The following ERCC3 variants were observed in gnomAD, a reference collection of about 807,000 sequenced individuals.
ERCC3 encodes ERCC excision repair 3, TFIIH core complex helicase subunit.
Under a neutral mutation model 94.2 loss-of-function variants are expected in ERCC3, and 66 were observed. The observed-to-expected ratio is 0.70, with a 90% CI of 0.57 to 0.86. The LOEUF is 0.86. Ranked by LOEUF, ERCC3 falls within the 40% of genes least tolerant of loss-of-function variation. The pLI, the probability that ERCC3 is intolerant of heterozygous loss-of-function variation, is 0.00. For synonymous variants in ERCC3, 349 were observed against 369.1 expected, an observed-to-expected ratio of 0.95 and a Z score of 0.63; for missense variants, 829 against 987.1, an observed-to-expected ratio of 0.84 and a Z score of 2.15.
In ERCC3 at chr2:127,271,513, A is replaced by G; in HGVS notation, c.1828-60T>C. 1 of 1,109,362 alleles carries G rather than the reference A, an allele frequency of 9.0e-7. No individual in the cohort carries two copies. Among genetic ancestry groups the G allele is most frequent in the Non-Finnish European group, 1.4e-6 (1 of 721,384 alleles). 68.7% of individuals were successfully genotyped at this position (1,109,362 alleles called of 1,614,324 possible). On this transcript the variant is annotated intron_variant, in intron 11 of 14. Coordinates refer to ENST00000285398, the MANE Select transcript of ERCC3 (RefSeq NM_000122.2). The surrounding 1 kb of genome is among the most constrained non-coding windows in gnomAD (Gnocchi z 5.0). ...GGAAAAAAAAAAAGTCAACTGATCC[A>G]GAATTTAAATAAGTTCTGTAGATAA...
chr2:127,293,537 G>A lies in ERCC3; in HGVS notation c.210C>T (p.Asp70=). The A allele has an allele frequency of 6.2e-7, 1 of 1,614,170 alleles. No homozygotes were observed. The highest frequency in any genetic ancestry group is 8.5e-7 in the Non-Finnish European group (1 of 1,180,032). Residue 70 remains aspartate, a synonymous_variant, in exon 2 of 15, where the codon GAC becomes GAT. Transcript: ENST00000285398. ...CCACCCAGAGGGGCCTGGAGGTGTG[G>A]TCGTCCTTCAGCGGCATTTGCAGCC... is the stretch of plus-strand genomic sequence containing the variant. ...DYRLQMPLKD[D]HTSRPLWVAP...
rs778270293 is a variant in ERCC3 at position 127,259,428 on chromosome 2, G to A, written c.2085C>T (p.Gly695=). ...AAAACGCCAAGTCTTCCTCCTCCATGCCAGCGAGTTTCGTGATCACCTGCA... is the reference window on the plus strand; with the variant it reads ...AAAACGCCAAGTCTTCCTCCTCCATACCAGCGAGTTTCGTGATCACCTGCA... ...YSFKVITKLA[G]MEEEDLAFST... Residue 695 remains glycine (G), a synonymous_variant, in exon 14 of 15, where the codon GGC becomes GGT. Coordinates refer to ENST00000285398, the MANE Select transcript of ERCC3 (RefSeq NM_000122.2). This position sits in a 1 kb window ranked among gnomAD's most constrained non-coding sequence, Gnocchi z 4.9. The A allele has an allele frequency of 6.2e-7, 1 of 1,614,160 alleles. No homozygotes were observed. The highest frequency in any genetic ancestry group is 1.7e-5 in the Admixed American group (1 of 60,014).
At chr2:127,293,113 C>T (rs1046671910) in intron 2 of ERCC3, among the ~76,000 whole-genome samples, 7 of 152,210 alleles carry the variant, frequency 4.6e-5, no homozygotes, top group Admixed American at 4.6e-4. Flanking sequence ...CCTCAAGTTA[C>T]CTTTTGGCTA....
In ERCC3 at chr2:127,282,535, C is replaced by CA. The variant is rs1684948160; in HGVS notation, c.1343-1905_1343-1904insT. Among the ~76,000 whole-genome samples the CA allele has an allele frequency of 3.3e-5, 5 of 152,352 alleles. No homozygotes were observed. In the South Asian group the frequency reaches 1.0e-3, roughly 32 times the overall value. ...CATAACAGAGCTCCTTTTGAAAAAT[C>CA]TGTAAAACAGCACAGCAATCTTTAT... On this transcript the variant is annotated intron_variant, in intron 8 of 14. Coordinates refer to ENST00000285398, the MANE Select transcript of ERCC3 (RefSeq NM_000122.2).
chr2:127,280,673 CT>C lies in ERCC3; in HGVS notation c.1343-43del, dbSNP rs1684880390. On this transcript the variant is annotated intron_variant, in intron 8 of 14. Transcript: ENST00000285398. This position sits in a 1 kb window ranked among gnomAD's most constrained non-coding sequence, Gnocchi z 6.3. Reference sequence around the variant, plus strand: ...AGCATTCACACTGTCACTTTTCTTTCTTATTTTTTATTTATTTATTTTAAAA... The same window carrying C: ...AGCATTCACACTGTCACTTTTCTTTCTATTTTTTATTTATTTATTTTAAAA... The C allele has an allele frequency of 6.5e-7, 1 of 1,527,384 alleles. No homozygotes were observed. The highest frequency in any genetic ancestry group is 1.4e-5 in the African/African-American group (1 of 72,576). The allele number at this position is 1,527,384 out of a possible 1,614,324, so 94.6% of individuals were successfully genotyped here.
chr2:127,271,830 C>G lies in ERCC3; in HGVS notation c.1828-377G>C, dbSNP rs1684561053. On this transcript the variant is annotated intron_variant, in intron 11 of 14. Coordinates refer to ENST00000285398, the MANE Select transcript of ERCC3 (RefSeq NM_000122.2). The surrounding 1 kb of genome is among the most constrained non-coding windows in gnomAD (Gnocchi z 5.0). ...AACCATCCATACTCTTACCTGTTGGCCACTGACACCAGCAGCACACGTGGG... is the reference window on the plus strand; with the variant it reads ...AACCATCCATACTCTTACCTGTTGGGCACTGACACCAGCAGCACACGTGGG... Among the ~76,000 whole-genome samples, 1 of 152,034 alleles carries G rather than the reference C, an allele frequency of 6.6e-6. No homozygotes were observed. The highest frequency in any genetic ancestry group is 1.5e-5 in the Non-Finnish European group (1 of 68,014).
intron 11 of ERCC3, among the ~76,000 whole-genome samples, chr2:127,272,457 A>C (rs1573940799): frequency 6.6e-6 from 1 of 152,168 alleles, no homozygotes; most frequent in Non-Finnish European, 1.5e-5. Context: ...GCTGACATCC[A>C]CCACCCATCA....
intron 8 of ERCC3, among the ~76,000 whole-genome samples, chr2:127,283,723 C>T (rs916579801): frequency 6.6e-6 from 1 of 152,176 alleles, no homozygotes; most frequent in South Asian, 2.1e-4. Context: ...CATCAGCACC[C>T]GCACATCAGT....
chr2:127,282,776 A>C (rs1461596891), intron 8 of ERCC3, among the ~76,000 whole-genome samples: 1 of 152,084 alleles, frequency 6.6e-6, no homozygotes, highest in East Asian at 1.9e-4. Flanking sequence ...CCAAAGACTA[A>C]CTCATCCAGT....
chr2:127,265,909 G>A (rs910832580), intron 12 of ERCC3, among the ~76,000 whole-genome samples: 3 of 152,026 alleles, frequency 2.0e-5, no homozygotes, highest in African/African-American at 7.2e-5. Context: ...CTGTCTTCTC[G>A]ATGTAGGTGT....
chr2:127,289,263 G>A, intron 6 of ERCC3, 74 bp downstream of exon 6: 1 of 1,348,412 alleles, frequency 7.4e-7, no homozygotes, highest in South Asian at 1.2e-5. Flanking sequence ...ACTACAGGCA[G>A]AGTCGACACA....
Position 127,279,445 on chromosome 2 carries a change from C to A in ERCC3, c.1528-70G>T. 1.7e-6 allele frequency: 2 copies of A among 1,206,486 alleles called. No homozygotes were observed. The highest frequency in any genetic ancestry group is 2.5e-6 in the Non-Finnish European group (2 of 809,942). The allele number at this position is 1,206,486 out of a possible 1,614,324, so 74.7% of individuals were successfully genotyped here. A position where few individuals can be genotyped will look rare whatever the true frequency, so the allele number is the denominator to read the frequency against. ...CCACACAATTTAAAACTTTTGAAGA[C>A]CTTTCTCTAGCAGAATTAGCTTTAA... On this transcript the variant is annotated intron_variant, in intron 9 of 14. Coordinates refer to ENST00000285398, the MANE Select transcript of ERCC3 (RefSeq NM_000122.2). This position sits in a 1 kb window ranked among gnomAD's most constrained non-coding sequence, Gnocchi z 4.7.
Position 127,280,398 on chromosome 2 carries a change from C to G in ERCC3, c.1527+49G>C, listed in dbSNP as rs1369280604. ...GGAATCGATCTGATCACTCCCCTGC[C>G]CATAGGAGGAGGCCCTTTCCCAGAC... On this transcript the variant is annotated intron_variant, in intron 9 of 14. Coordinates refer to ENST00000285398, the MANE Select transcript of ERCC3 (RefSeq NM_000122.2). This position sits in a 1 kb window ranked among gnomAD's most constrained non-coding sequence, Gnocchi z 6.3. The G allele has an allele frequency of 6.5e-7, 1 of 1,527,870 alleles. No individual in the cohort carries two copies. The highest frequency in any genetic ancestry group is 1.4e-5 in the African/African-American group (1 of 73,046). 94.6% of individuals were successfully genotyped at this position (1,527,870 alleles called of 1,614,324 possible).
intron 5 of ERCC3, 77 bp downstream of exon 5, chr2:127,289,612 C>A: frequency 6.2e-7 from 1 of 1,606,946 alleles, no homozygotes; most frequent in Non-Finnish European, 8.5e-7. Context: ...GTTGTAAGTG[C>A]TGGGTTAAAG....
intron 7 of ERCC3, 137 bp from the exon 8 acceptor site, chr2:127,287,154 C>T: frequency 2.9e-6 from 2 of 681,894 alleles, no homozygotes; most frequent in South Asian, 3.5e-5. Context: ...GAGCGACACA[C>T]ACTGCTCCAG....
rs1327789834 is a variant in ERCC3 at position 127,291,816 on chromosome 2, T to C, written c.471+794A>G. ...TAATCACATGGAACCCTCTTTGTTT[T>C]GTCAAAAACATCTGAAGTTGTTTTT... On this transcript the variant is annotated intron_variant, in intron 3 of 14. Transcript: ENST00000285398. The surrounding 1 kb of genome is among the most constrained non-coding windows in gnomAD (Gnocchi z 4.9). 1 of 152,592 alleles carries C rather than the reference T, an allele frequency of 6.6e-6. No individual in the cohort carries two copies. The highest frequency in any genetic ancestry group is 1.5e-5 in the Non-Finnish European group (1 of 68,320). 9.5% of individuals were successfully genotyped at this position (152,592 alleles called of 1,614,324 possible). A position where few individuals can be genotyped will look rare whatever the true frequency, so the allele number is the denominator to read the frequency against.
chr2:127,293,738 A>C lies in ERCC3; in HGVS notation c.29-20T>G. 6.2e-7 allele frequency: 1 copy of C among 1,608,670 alleles called. No individual in the cohort carries two copies. The highest frequency in any genetic ancestry group is 1.3e-5 in the African/African-American group (1 of 75,042). On this transcript the variant is annotated intron_variant, in intron 1 of 14. Coordinates refer to ENST00000285398, the MANE Select transcript of ERCC3 (RefSeq NM_000122.2). ...TCTTGTCTGCAAGATACCAACACAG[A>C]AGTAAGCCCAGCAGGAGCCTTCAGG... is the stretch of plus-strand genomic sequence containing the variant.
rs1685277084 is a variant in ERCC3, at chr2:127,291,757, C to T, written c.471+853G>A. ...CCATCTCTTTTAAATGGCATTCACC[C>T]ATCTCGCAGAAGAAACCTAGCATGT... On this transcript the variant is annotated intron_variant, in intron 3 of 14. Coordinates refer to ENST00000285398, the MANE Select transcript of ERCC3 (RefSeq NM_000122.2). This position sits in a 1 kb window ranked among gnomAD's most constrained non-coding sequence, Gnocchi z 4.9. Among the ~76,000 whole-genome samples the T allele has an allele frequency of 6.6e-6, 1 of 152,222 alleles. No homozygotes were observed. Among genetic ancestry groups the T allele is most frequent in the African/African-American group, 2.4e-5 (1 of 41,464 alleles).
chr2:127,278,593 C>T (rs1684807309), intron 10 of ERCC3, among the ~76,000 whole-genome samples: 1 of 152,198 alleles, frequency 6.6e-6, no homozygotes, highest in Non-Finnish European at 1.5e-5. Context: ...TTCTGCAACA[C>T]TTACAGCACC....
Sources: gnomAD v4.1 joint callset for allele counts (sites outside exome capture counted in the v4.1 genomes callset) on GRCh38, gnomAD v4.1.1 for gene constraint, Gnocchi (gnomAD v3.1) non-coding constraint, MANE v1.5 for transcripts, NCBI Gene and HGNC (gene_info 2026-07-23, HGNC 2026-07-21) for gene names.